Variants in ATF6 observed in about 807,000 individuals in gnomAD.
ATF6 encodes the protein cyclic AMP-dependent transcription factor ATF-6 alpha.
A neutral mutation model predicts 83.6 loss-of-function variants in ATF6; 53 were observed. The observed-to-expected ratio is 0.63, with a 90% confidence interval of 0.51 to 0.80. The LOEUF (loss-of-function observed/expected upper bound fraction) is 0.80. Among genes scored for constraint, ATF6 ranks in the 30% least tolerant of loss-of-function variants. The probability of loss-of-function intolerance (pLI) is 0.00; values close to 1 mark genes in which losing one functional copy is unlikely to be tolerated. For synonymous variants in ATF6, 288 were observed against 285.8 expected (o/e 1.01, Z -0.08); for missense variants, 744 against 797.9 (o/e 0.93, Z 0.81).
intron 12 of ATF6, among the ~76,000 whole-genome samples, chr1:161,854,519 G>T (rs113931242): frequency 6.6e-6 from 1 of 152,210 alleles, no homozygotes; most frequent in African/African-American, 2.4e-5. Context: ...AGAAGACAAG[G>T]GTTTGGTGAG....
intron 15 of ATF6, among the ~76,000 whole-genome samples, chr1:161,950,692 C>T (rs543945705): frequency 1.4e-4 from 21 of 152,152 alleles, no homozygotes; most frequent in Non-Finnish European, 2.4e-4. Context: ...GTTCACTCAG[C>T]CTTCAAAATG....
intron 15 of ATF6, among the ~76,000 whole-genome samples, chr1:161,939,030 C>A (rs1688591534): frequency 6.6e-6 from 1 of 152,140 alleles, no homozygotes; most frequent in Non-Finnish European, 1.5e-5. Context: ...TAACCCACTC[C>A]AAATAGGCTT....
intron 14 of ATF6, among the ~76,000 whole-genome samples, chr1:161,865,829 A>G (rs775603633): frequency 6.6e-6 from 1 of 152,144 alleles, no homozygotes; most frequent in Admixed American, 6.5e-5. Flanking sequence ...TTTTGTTTCA[A>G]TAGTAGGGAA....
At chr1:161,814,876 G>T (rs1392740809) in intron 7 of ATF6, among the ~76,000 whole-genome samples, 4 of 152,138 alleles carry the variant, frequency 2.6e-5, no homozygotes, top group Non-Finnish European at 5.9e-5. Flanking sequence ...TGTTTTTTAA[G>T]AATGTATCTA....
intron 14 of ATF6, chr1:161,890,779 A>C (rs1225388351): frequency 6.5e-6 from 1 of 152,710 alleles, no homozygotes; most frequent in Non-Finnish European, 1.5e-5. Flanking sequence ...TTCCTGCTGC[A>C]CCACTTCCTT....
intron 14 of ATF6, among the ~76,000 whole-genome samples, chr1:161,884,797 G>T (rs535711777): frequency 7.2e-5 from 11 of 152,226 alleles, no homozygotes; most frequent in African/African-American, 2.6e-4. Context: ...AAGAAGGCAG[G>T]TAGTCATTTT....
At chr1:161,936,312 T>G (rs2101905773) in intron 15 of ATF6, among the ~76,000 whole-genome samples, 1 of 152,288 alleles carries the variant, frequency 6.6e-6, no homozygotes, top group African/African-American at 2.4e-5. Context: ...TTTTTTTAAT[T>G]TTTAATTTTT....
chr1:161,909,680 G>A (rs1024603514), intron 14 of ATF6, among the ~76,000 whole-genome samples: 5 of 152,156 alleles, frequency 3.3e-5, no homozygotes, highest in African/African-American at 1.2e-4. Context: ...GTAAGGGCCG[G>A]TCACAGAGGC....
At chr1:161,891,498 A>C (rs1687554814) in intron 14 of ATF6, 1 of 152,230 alleles carries the variant, frequency 6.6e-6, no homozygotes, top group Non-Finnish European at 1.5e-5. Flanking sequence ...CAAGATAGTG[A>C]AGTACCCCCA....
intron 12 of ATF6, among the ~76,000 whole-genome samples, chr1:161,857,962 A>G (rs1170568308): frequency 6.6e-6 from 1 of 152,180 alleles, no homozygotes; most frequent in Non-Finnish European, 1.5e-5. Flanking sequence ...AGCTAGAGCC[A>G]GGCACGGTGG....
At chr1:161,793,030 C>T (rs957825976) in intron 6 of ATF6, among the ~76,000 whole-genome samples, 1 of 152,180 alleles carries the variant, frequency 6.6e-6, no homozygotes, top group African/African-American at 2.4e-5. Context: ...AAAACTTTTG[C>T]AGCATTCTTA....
intron 15 of ATF6, among the ~76,000 whole-genome samples, chr1:161,936,385 A>G (rs970906256): frequency 5.9e-5 from 9 of 152,180 alleles, no homozygotes; most frequent in Admixed American, 5.9e-4. Flanking sequence ...CAGGTGTGCA[A>G]CATGAAATAA....
chr1:161,804,678 CT>C (rs34697417), intron 7 of ATF6, among the ~76,000 whole-genome samples: 72,842 of 148,088 alleles, frequency 0.49, 21,552 homozygotes, highest in Non-Finnish European at 0.66. Flanking sequence ...ACCCCCCTGC[CT>C]TTTTTTTTTT....
intron 4 of ATF6, among the ~76,000 whole-genome samples, chr1:161,784,652 G>A (rs1469378128): frequency 6.6e-6 from 1 of 151,880 alleles, no homozygotes; most frequent in African/African-American, 2.4e-5. Context: ...TTTAGAATGG[G>A]GAAAGGGAAA....
chr1:161,848,369 C>G (rs544312510), intron 10 of ATF6, among the ~76,000 whole-genome samples: 2 of 151,926 alleles, frequency 1.3e-5, no homozygotes, highest in African/African-American at 4.8e-5. Flanking sequence ...GCCGTGATAC[C>G]TATACATTTT....
chr1:161,962,788 A>G lies in ATF6; in HGVS notation c.*4134A>G, dbSNP rs1463758056. ...TCATACTATTGGCTATTTCATACCA[A>G]TTAACCTCTTAAATAAGATTGTGAA... On this transcript the variant is annotated 3_prime_UTR_variant, in exon 16 of 16. Coordinates refer to ENST00000367942, the MANE Select transcript of ATF6 (RefSeq NM_007348.4). 2 of 152,202 alleles carry G rather than the reference A, an allele frequency of 1.3e-5. No individual in the cohort carries two copies. The highest frequency in any genetic ancestry group is 2.4e-5 in the African/African-American group (1 of 41,444). 9.4% of individuals were successfully genotyped at this position (152,202 alleles called of 1,614,324 possible).
At chr1:161,883,571 A>T (rs1265478735) in intron 14 of ATF6, among the ~76,000 whole-genome samples, 1 of 151,988 alleles carries the variant, frequency 6.6e-6, no homozygotes, top group Non-Finnish European at 1.5e-5. Flanking sequence ...TGACATTTTC[A>T]TATTGATATT....
intron 15 of ATF6, among the ~76,000 whole-genome samples, chr1:161,919,723 A>G (rs1688165159): frequency 6.6e-6 from 1 of 152,204 alleles, no homozygotes; most frequent in Non-Finnish European, 1.5e-5. Flanking sequence ...ACTGTTTATA[A>G]CTGTTACTTG....
intron 3 of ATF6, among the ~76,000 whole-genome samples, chr1:161,783,307 A>C (rs1684677939): frequency 6.6e-6 from 1 of 152,144 alleles, no homozygotes; most frequent in Admixed American, 6.5e-5. Context: ...TGGCAAGATC[A>C]CATTGTAGAA....
Sources: gnomAD v4.1 joint callset for allele counts (sites outside exome capture counted in the v4.1 genomes callset) on GRCh38, gnomAD v4.1.1 for gene constraint, MANE v1.5 for transcripts, NCBI Gene and HGNC (gene_info 2026-07-23, HGNC 2026-07-21) for gene names.